The following COP1 variants were observed in gnomAD, a reference collection of about 807,000 sequenced individuals.
COP1 encodes the protein E3 ubiquitin-protein ligase COP1.
In COP1, 24 loss-of-function variants were observed where a neutral mutation model predicts 101.3. The ratio of observed to expected loss-of-function variants is 0.24; its 90% CI spans 0.17 to 0.33. COP1 has a LOEUF of 0.33. COP1 is among the 10% of genes least tolerant of loss of function. The pLI, the probability that COP1 is intolerant of heterozygous loss-of-function variation, is 1.00. For missense variants in COP1, 663 were observed against 906.2 expected, an observed-to-expected ratio of 0.73 and a Z score of 3.45; for synonymous variants, 347 against 341.9, an observed-to-expected ratio of 1.01 and a Z score of -0.17.
rs75607477 is a variant in COP1 at position 176,132,270 on chromosome 1, T to C, written c.968+2740A>G. On this transcript the variant is annotated intron_variant, in intron 8 of 19. Transcript: ENST00000367669. ...CTATCCCATAACTTTCCATCATAAT[T>C]AGTCTTTACTTGATTAATGTGTCAA... 8.6e-5 allele frequency among the ~76,000 whole-genome samples: 13 copies of C among 151,882 alleles called. No individual in the cohort carries two copies. The East Asian group carries it at 2.5e-3, about 29-fold the overall frequency.
At chr1:176,072,394 A>C (rs1224506085) in intron 11 of COP1, among the ~76,000 whole-genome samples, 2 of 152,238 alleles carry the variant, frequency 1.3e-5, no homozygotes, top group African/African-American at 4.8e-5. Flanking sequence ...GCCCCTGCCT[A>C]GATGAATCTC....
At chr1:176,180,196 T>C (rs1326868012) in intron 2 of COP1, among the ~76,000 whole-genome samples, 1 of 152,210 alleles carries the variant, frequency 6.6e-6, no homozygotes, top group African/African-American at 2.4e-5. Context: ...CCTTAATGTT[T>C]AGCACAATAT....
intron 1 of COP1, among the ~76,000 whole-genome samples, chr1:176,202,185 CTT>C (rs11367274): frequency 1.5e-3 from 149 of 96,390 alleles, no homozygotes; most frequent in East Asian, 6.4e-3. Context: ...TTCTAGTTCA[CTT>C]TTTTTTTTTT....
chr1:176,097,600 A>G (rs1257210579), intron 9 of COP1, among the ~76,000 whole-genome samples: 1 of 152,062 alleles, frequency 6.6e-6, no homozygotes, highest in East Asian at 1.9e-4. Context: ...TGGGTGCAGC[A>G]GCTCAAGCCT....
chr1:176,083,476 A>G (rs1263286012), intron 10 of COP1, among the ~76,000 whole-genome samples: 1 of 152,210 alleles, frequency 6.6e-6, no homozygotes, highest in Non-Finnish European at 1.5e-5. Context: ...ATGAGGTTAC[A>G]AAAAAGGTAG....
intron 12 of COP1, among the ~76,000 whole-genome samples, chr1:176,044,410 A>AT (rs1361954106): frequency 6.6e-6 from 1 of 152,240 alleles, no homozygotes; most frequent in Non-Finnish European, 1.5e-5. Context: ...TTCTGCTGAG[A>AT]TACATATCTG....
At chr1:176,031,413 C>A (rs1008180126) in intron 14 of COP1, among the ~76,000 whole-genome samples, 1 of 152,074 alleles carries the variant, frequency 6.6e-6, no homozygotes, top group Non-Finnish European at 1.5e-5. Flanking sequence ...AATAAGAACA[C>A]CTTTACTGTT....
Position 176,184,710 on chromosome 1 carries a change from A to C in COP1, c.408-18T>G. On this transcript the variant is annotated intron_variant, in intron 1 of 19. Transcript: ENST00000367669. ...AGATGGGGCTAAAAAGAAAAGAAAA[A>C]TAATTGATTTTTTTTTAAAAGTAGA... is the stretch of plus-strand genomic sequence containing the variant. The C allele has an allele frequency of 6.3e-7, 1 of 1,580,990 alleles. No homozygotes were observed. The highest frequency in any genetic ancestry group is 8.6e-7 in the Non-Finnish European group (1 of 1,159,110).
chr1:175,960,772 C>T (rs766295436), intron 18 of COP1, among the ~76,000 whole-genome samples: 3 of 152,208 alleles, frequency 2.0e-5, no homozygotes, highest in Non-Finnish European at 4.4e-5. Context: ...CAGAAAGCTA[C>T]TCCTGATGTC....
intron 10 of COP1, among the ~76,000 whole-genome samples, chr1:176,084,527 A>C (rs948944377): frequency 1.3e-5 from 2 of 152,180 alleles, no homozygotes; most frequent in Non-Finnish European, 2.9e-5. Flanking sequence ...GGAACCAAAA[A>C]AGAGCCCACA....
intron 18 of COP1, among the ~76,000 whole-genome samples, chr1:175,967,488 A>AAACAAAC (rs1652251707): frequency 3.3e-5 from 5 of 150,976 alleles, no homozygotes; most frequent in Admixed American, 3.3e-4. Context: ...TCAGTCTCAA[A>AAACAAAC]AAACAAACAA....
chr1:176,139,066 G>A (rs1410008751), intron 6 of COP1, among the ~76,000 whole-genome samples: 1 of 151,698 alleles, frequency 6.6e-6, no homozygotes, highest in Non-Finnish European at 1.5e-5. Flanking sequence ...TACAAGGAAC[G>A]TAAATAAATG....
intron 16 of COP1, 136 bp from the exon 17 acceptor site, chr1:175,988,548 G>T: frequency 2.5e-6 from 2 of 806,208 alleles, no homozygotes; most frequent in Non-Finnish European, 3.7e-6. Flanking sequence ...ACGTTCATCT[G>T]TCGGCCAGGC....
chr1:176,019,505 T>TAATAAC lies in COP1; in HGVS notation c.1729+8066_1729+8067insGTTATT, dbSNP rs1374161037. On this transcript the variant is annotated intron_variant, in intron 15 of 19. Transcript: ENST00000367669. ...ATAATAATAATAATAATAATAATAA[T>TAATAAC]AACCATCATCATCATCATCACTACT... 6.8e-3 allele frequency among the ~76,000 whole-genome samples: 903 copies of TAATAAC among 133,106 alleles called. 8 individuals carry two copies. The highest frequency in any genetic ancestry group is 0.021 in the African/African-American group (776 of 36,648). 87.3% of individuals were successfully genotyped at this position (133,106 alleles called of 152,430 possible).
rs374221902 is a variant in COP1 at position 176,141,230 on chromosome 1, G to A, written c.832-4683C>T. On this transcript the variant is annotated intron_variant, in intron 6 of 19. Transcript: ENST00000367669. Reference sequence around the variant, plus strand: ...TTAAAAATCGAGCAAGGCTAGGTGCGGTGGCTCACGCCTGTAAGCCCAACA... The same window carrying A: ...TTAAAAATCGAGCAAGGCTAGGTGCAGTGGCTCACGCCTGTAAGCCCAACA... Among the ~76,000 whole-genome samples, 125 of 152,296 alleles carry A rather than the reference G, an allele frequency of 8.2e-4. No homozygotes were observed. In the South Asian group the frequency reaches 0.017, roughly 21 times the overall value.
chr1:176,017,959 G>A (rs1349083185), intron 15 of COP1, among the ~76,000 whole-genome samples: 3 of 152,128 alleles, frequency 2.0e-5, no homozygotes, highest in Non-Finnish European at 2.9e-5. Flanking sequence ...CTAAGTATCC[G>A]TTACACAAAC....
intron 15 of COP1, among the ~76,000 whole-genome samples, chr1:175,990,357 T>A (rs1022579222): frequency 3.3e-5 from 5 of 152,168 alleles, no homozygotes; most frequent in Non-Finnish European, 7.4e-5. Flanking sequence ...AACTGTTTTG[T>A]ATGTCTTCAA....
At chr1:176,121,517 TTA>T (rs978136309) in intron 8 of COP1, among the ~76,000 whole-genome samples, 14 of 150,796 alleles carry the variant, frequency 9.3e-5, no homozygotes, top group African/African-American at 3.4e-4. Flanking sequence ...ATGTCGTTTT[TTA>T]TTTTTATGTT....
intron 11 of COP1, among the ~76,000 whole-genome samples, chr1:176,049,178 C>CAAAAAAAAAAAA (rs61267982): frequency 2.2e-3 from 262 of 118,228 alleles, no homozygotes; most frequent in Non-Finnish European, 3.6e-3. Flanking sequence ...GACTCCGTCT[C>CAAAAAAAAAAAA]AAAAAAAAAA....
Sources: gnomAD v4.1 joint callset for allele counts (sites outside exome capture counted in the v4.1 genomes callset) on GRCh38, gnomAD v4.1.1 for gene constraint, MANE v1.5 for transcripts, NCBI Gene and HGNC (gene_info 2026-07-23, HGNC 2026-07-21) for gene names.